SARNP: variants seen among roughly 807,000 people sequenced by gnomAD.
SARNP encodes SAP domain-containing ribonucleoprotein.
SARNP carries 5 observed loss-of-function variants against 38.1 expected under a neutral mutation model. That is an observed-to-expected ratio of 0.13 (90% confidence interval 0.07 to 0.28). SARNP has a LOEUF of 0.28. SARNP is among the 10% of genes least tolerant of loss of function. SARNP has a pLI of 1.00. For missense variants in SARNP, 180 were observed against 243.9 expected, an observed-to-expected ratio of 0.74 and a Z score of 1.75; for synonymous variants, 84 against 80.6, an observed-to-expected ratio of 1.04 and a Z score of -0.23.
At chr12:55,811,001 C>T (rs184713334) in intron 1 of SARNP, among the ~76,000 whole-genome samples, 1 of 151,650 alleles carries the variant, frequency 6.6e-6, no homozygotes, top group African/African-American at 2.4e-5. Flanking sequence ...GGCTTGAGCC[C>T]GGGAGGCAGA....
intron 4 of SARNP, among the ~76,000 whole-genome samples, chr12:55,799,017 A>T (rs1213436045): frequency 6.6e-6 from 1 of 152,162 alleles, no homozygotes; most frequent in African/African-American, 2.4e-5. Flanking sequence ...TGATATAAAA[A>T]ATTTCCAGAT....
At chr12:55,814,117 T>C (rs1342090101) in intron 1 of SARNP, among the ~76,000 whole-genome samples, 2 of 152,222 alleles carry the variant, frequency 1.3e-5, no homozygotes, top group African/African-American at 2.4e-5. Context: ...GTAACTATGC[T>C]GGAGAGACGG....
chr12:55,800,844 T>A lies in SARNP; in HGVS notation c.183+10A>T, dbSNP rs1212331271. The A allele has an allele frequency of 1.2e-6, 2 of 1,609,712 alleles. No homozygotes were observed. The highest frequency in any genetic ancestry group is 1.7e-6 in the Non-Finnish European group (2 of 1,176,092). On this transcript the variant is annotated intron_variant, in intron 3 of 10. Coordinates refer to ENST00000336133, the MANE Select transcript of SARNP (RefSeq NM_033082.4). ...ATTACCAGAGACTAACCTTACTCTA[T>A]CCAACTCACCTCTGTTTCATCTCCC...
chr12:55,776,270 C>G (rs905238268), intron 9 of SARNP, among the ~76,000 whole-genome samples: 1 of 152,098 alleles, frequency 6.6e-6, no homozygotes, highest in African/African-American at 2.4e-5. Context: ...GAGACCCTGT[C>G]TCTGCAAACT....
chr12:55,813,609 A>AT (rs1217868048), intron 1 of SARNP, among the ~76,000 whole-genome samples: 3 of 136,856 alleles, frequency 2.2e-5, no homozygotes, highest in Non-Finnish European at 4.5e-5. Context: ...CAATGGTGCC[A>AT]TATCGGCTCA....
chr12:55,791,847 T>G (rs189330471), intron 7 of SARNP, among the ~76,000 whole-genome samples: 1 of 152,396 alleles, frequency 6.6e-6, no homozygotes, highest in Admixed American at 6.5e-5. Context: ...TGCTTTTAAA[T>G]GTTCCCAAAT....
chr12:55,778,932 T>C (rs920673488), intron 9 of SARNP, among the ~76,000 whole-genome samples: 2 of 152,064 alleles, frequency 1.3e-5, no homozygotes, highest in African/African-American at 2.4e-5. Context: ...GATCGTGCCA[T>C]TGCACTCCAG....
At chr12:55,794,957 TAAAAAAAAAAA>T (rs373511418) in intron 5 of SARNP, 77 bp from the exon 6 acceptor site, 24 of 145,412 alleles carry the variant, frequency 1.7e-4, no homozygotes, top group South Asian at 6.2e-4. Context: ...TAGGTATCTT[TAAAAAAAAAAA>T]AAAAAAAAAA....
chr12:55,759,191 C>A lies in SARNP; in HGVS notation c.591+1360G>T, dbSNP rs184071092. Among the ~76,000 whole-genome samples the A allele has an allele frequency of 1.6e-3, 239 of 152,308 alleles. 2 individuals are homozygous for A. Among genetic ancestry groups the A allele is most frequent in the African/African-American group, 5.6e-3 (232 of 41,572 alleles). The stretch of plus-strand genomic sequence containing the variant: ...GAGAAACTATCTGTAAACAAAGTGA[C>A]AAGAACAGGAAGTCTCATTTGAGTC... On this transcript the variant is annotated intron_variant, in intron 10 of 10. Coordinates refer to ENST00000336133, the MANE Select transcript of SARNP (RefSeq NM_033082.4).
chr12:55,780,234 C>A (rs1474480411), intron 9 of SARNP, among the ~76,000 whole-genome samples: 1 of 152,076 alleles, frequency 6.6e-6, no homozygotes, highest in African/African-American at 2.4e-5. Flanking sequence ...GGATAGATCA[C>A]AAGGTCAGGA....
At chr12:55,799,938 C>T (rs926491045) in intron 4 of SARNP, among the ~76,000 whole-genome samples, 8 of 151,512 alleles carry the variant, frequency 5.3e-5, no homozygotes, top group Non-Finnish European at 1.2e-4. Flanking sequence ...ACCTGTAATC[C>T]CAGCACTTTG....
At chr12:55,814,302 G>A (rs991736172) in intron 1 of SARNP, among the ~76,000 whole-genome samples, 23 of 152,114 alleles carry the variant, frequency 1.5e-4, no homozygotes, top group Admixed American at 1.5e-3. Flanking sequence ...CATGACAAAG[G>A]CCAGAAGTCC....
intron 7 of SARNP, chr12:55,793,313 C>G (rs145988894): frequency 1.3e-5 from 2 of 152,088 alleles, no homozygotes; most frequent in African/African-American, 4.8e-5. Flanking sequence ...TAATTCATTA[C>G]AAAAGTGATA....
chr12:55,766,469 T>C (rs1878831536), intron 9 of SARNP, among the ~76,000 whole-genome samples: 1 of 152,170 alleles, frequency 6.6e-6, no homozygotes, highest in Non-Finnish European at 1.5e-5. Context: ...AATTTCAGTA[T>C]ATACAAACCT....
Position 55,790,592 on chromosome 12 carries a change from C to A in SARNP, c.407G>T (p.Gly136Val), listed in dbSNP as rs757836822. Residue 136 changes from glycine to valine, a missense_variant and splice_region_variant, in exon 8 of 11, where the codon GGT (glycine) becomes GTT (valine). Around this residue, in one of 2 missense-constraint regions of SARNP, gnomAD observed 161 missense variants for 194.1 expected, o/e 0.83. Coordinates refer to ENST00000336133, the MANE Select transcript of SARNP (RefSeq NM_033082.4). Reference sequence around the variant, plus strand: ...CATAGGTTTGTTATCAGATGACAGACCTAAGGAAGTAAATAAAGTTTTATT... The same window carrying A: ...CATAGGTTTGTTATCAGATGACAGAACTAAGGAAGTAAATAAAGTTTTATT... ...RFGISSVPTK[G>V]LSSDNKPMVN... 6 of 1,529,496 alleles carry A rather than the reference C, an allele frequency of 3.9e-6. No individual in the cohort carries two copies. The highest frequency in any genetic ancestry group is 2.1e-5 in the Admixed American group (1 of 47,664). 94.7% of individuals were successfully genotyped at this position (1,529,496 alleles called of 1,614,324 possible).
chr12:55,770,330 A>G (rs535469749), intron 9 of SARNP, among the ~76,000 whole-genome samples: 2 of 149,788 alleles, frequency 1.3e-5, no homozygotes, highest in African/African-American at 4.9e-5. Context: ...GGTTCAGGCC[A>G]TTCTCCTGCC....
intron 1 of SARNP, among the ~76,000 whole-genome samples, chr12:55,815,034 T>C (rs954180851): frequency 9.2e-5 from 14 of 152,186 alleles, no homozygotes; most frequent in African/African-American, 3.4e-4. Flanking sequence ...AAATTCTCTT[T>C]ATGACAATGG....
chr12:55,815,599 G>A (rs1235121061), intron 1 of SARNP, among the ~76,000 whole-genome samples: 1 of 152,078 alleles, frequency 6.6e-6, no homozygotes, highest in Non-Finnish European at 1.5e-5. Flanking sequence ...CAATAGCTGG[G>A]ACTACAGGCA....
chr12:55,766,616 C>CG (rs58583137), intron 9 of SARNP, among the ~76,000 whole-genome samples: 728 of 38,124 alleles, frequency 0.019, 36 homozygotes, highest in Middle Eastern at 0.059. Flanking sequence ...GTTTTTTTGG[C>CG]GGGGGGGGGG....
Sources: gnomAD v4.1 joint callset for allele counts (sites outside exome capture counted in the v4.1 genomes callset) on GRCh38, gnomAD v4.1.1 for gene constraint, gnomAD v4.1.1 regional missense constraint, MANE v1.5 for transcripts, NCBI Gene and HGNC (gene_info 2026-07-23, HGNC 2026-07-21) for gene names.